NOL8: variants seen among roughly 807,000 people sequenced by gnomAD.
NOL8 encodes the protein nucleolar protein 8.
In NOL8, 93 loss-of-function variants were observed where a neutral mutation model predicts 116.1. The ratio of observed to expected loss-of-function variants is 0.80; its 90% CI spans 0.68 to 0.95. The LOEUF (loss-of-function observed/expected upper bound fraction) is 0.95. Among genes scored for constraint, NOL8 ranks in the 40% least tolerant of loss-of-function variants. NOL8 has a pLI of 0.00. For synonymous variants in NOL8, 419 were observed against 469.0 expected, an observed-to-expected ratio of 0.89 and a Z score of 1.38; for missense variants, 1,291 against 1,382.8, an observed-to-expected ratio of 0.93 and a Z score of 1.05.
At chr9:92,300,248 C>T in intron 13 of NOL8, 1 of 1,095,526 alleles carries the variant, frequency 9.1e-7, no homozygotes, top group Non-Finnish European at 1.1e-6. Flanking sequence ...CTGATAAGGA[C>T]AGCAGTAATA....
rs369661809 is a variant in NOL8 at position 92,303,402 on chromosome 9, T to G, written c.2904-1580A>C. On this transcript the variant is annotated intron_variant, in intron 12 of 16. Coordinates refer to ENST00000442668, the MANE Select transcript of NOL8 (RefSeq NM_017948.6). ...AACAAACATCATTTCATGAAAAAAT[T>G]ATATGAAATGAAAATTTCAGTGTCC... is the stretch of plus-strand genomic sequence containing the variant. Among the ~76,000 whole-genome samples the G allele has an allele frequency of 1.3e-3, 193 of 152,308 alleles. 2 individuals carry two copies. The highest frequency in any genetic ancestry group is 4.5e-3 in the African/African-American group (185 of 41,572).
At chr9:92,310,769 AC>A in intron 8 of NOL8, 94 bp from the exon 9 acceptor site, 1 of 1,336,958 alleles carries the variant, frequency 7.5e-7, no homozygotes, top group Non-Finnish European at 1.0e-6. Context: ...AAAGCCAGTA[AC>A]CCAGACTCAT....
chr9:92,320,078 C>T (rs994013346), intron 4 of NOL8: 4 of 455,984 alleles, frequency 8.8e-6, no homozygotes, highest in Admixed American at 7.0e-5. Context: ...ATTCACTCTT[C>T]CCCATGACGA....
Position 92,311,116 on chromosome 9 carries a change from A to G in NOL8, c.2472+30T>C, listed in dbSNP as rs747133059. 8 of 1,512,048 alleles carry G rather than the reference A, an allele frequency of 5.3e-6. No homozygotes were observed. The South Asian group carries it at 8.0e-5, about 15-fold the overall frequency. The allele number at this position is 1,512,048 out of a possible 1,614,324, so 93.7% of individuals were successfully genotyped here. A position where few individuals can be genotyped will look rare whatever the true frequency, so the allele number is the denominator to read the frequency against. ...GGTGTGGATCTGCAGAAGTAGATGA[A>G]TGTCCACAGAGACATCCTGAACTTC... is the stretch of plus-strand genomic sequence containing the variant. On this transcript the variant is annotated intron_variant, in intron 8 of 16. Transcript: ENST00000442668.
Position 92,323,284 on chromosome 9 carries a change from C to G in NOL8, c.202+157G>C, listed in dbSNP as rs568114089. ...TGATGCCAAATGGAATGGACCTAAACCTGCTGAGTTATACGATACTGGAAT... is the reference window on the plus strand; with the variant it reads ...TGATGCCAAATGGAATGGACCTAAAGCTGCTGAGTTATACGATACTGGAAT... On this transcript the variant is annotated intron_variant, in intron 3 of 16. Coordinates refer to ENST00000442668, the MANE Select transcript of NOL8 (RefSeq NM_017948.6). 3.9e-6 allele frequency: 6 copies of G among 1,530,420 alleles called. No individual in the cohort carries two copies. The African/African-American group carries it at 8.2e-5, about 21-fold the overall frequency. 94.8% of individuals were successfully genotyped at this position (1,530,420 alleles called of 1,614,324 possible). A position where few individuals can be genotyped will look rare whatever the true frequency, so the allele number is the denominator to read the frequency against.
intron 15 of NOL8, 65 bp from the exon 16 acceptor site, chr9:92,298,401 T>C: frequency 9.9e-7 from 1 of 1,009,600 alleles, no homozygotes; most frequent in Non-Finnish European, 1.5e-6. Context: ...ATATTCTAAG[T>C]GTTGGCATTA....
Position 92,316,016 on chromosome 9 carries a change from A to C in NOL8, c.609T>G (p.Ser203Arg). Residue 203 changes from serine to arginine, a missense_variant, in exon 7 of 17, where the codon AGT becomes AGG. Coordinates refer to ENST00000442668, the MANE Select transcript of NOL8 (RefSeq NM_017948.6). Reference protein sequence around the residue: ...WELEGGNDPMSKKRRGEFSDF... With the variant: ...WELEGGNDPMRKKRRGEFSDF... ...CAGAGAACTCTCCTCGCCGTTTCTT[A>C]CTCATAGGGTCATTCCCTCCTTCTA... The C allele has an allele frequency of 6.2e-7, 1 of 1,613,872 alleles. No individual in the cohort carries two copies. Among genetic ancestry groups the C allele is most frequent in the South Asian group, 1.1e-5 (1 of 91,072 alleles).
In NOL8 at chr9:92,315,550, G is replaced by A. The variant is rs749823093; in HGVS notation, c.1075C>T (p.Arg359Cys). 24 of 1,611,804 alleles carry A rather than the reference G, an allele frequency of 1.5e-5. 1 individual carries two copies. The highest frequency in any genetic ancestry group is 1.3e-5 in the African/African-American group (1 of 74,868). Residue 359 changes from arginine (R) to cysteine (C), a missense_variant, in exon 7 of 17, where the codon CGT (arginine) becomes TGT (cysteine). By Grantham distance (180) the Arg-to-Cys change is radical. Coordinates refer to ENST00000442668, the MANE Select transcript of NOL8 (RefSeq NM_017948.6). ...HSLIGLGIKN[R>C]VSCHDSDDDI... ...TCATCACTATCATGGCAAGAGACAC[G>A]ATTTTTGATACCTAAACCTATTAAA...
At chr9:92,318,033 C>CAAAAA (rs745928872) in intron 6 of NOL8, among the ~76,000 whole-genome samples, 479 of 34,566 alleles carry the variant, frequency 0.014, 24 homozygotes, top group African/African-American at 0.053. Context: ...GACTCCATCT[C>CAAAAA]AAAAAAAAAA....
chr9:92,315,926 C>T lies in NOL8; in HGVS notation c.699G>A (p.Leu233=). 6.2e-7 allele frequency: 1 copy of T among 1,613,860 alleles called. No homozygotes were observed. Among genetic ancestry groups the T allele is most frequent in the Non-Finnish European group, 8.5e-7 (1 of 1,179,878 alleles). Residue 233 remains leucine, a synonymous_variant, in exon 7 of 17, where the codon CTG becomes CTA. Coordinates refer to ENST00000442668, the MANE Select transcript of NOL8 (RefSeq NM_017948.6). ...VQKDESSTGS[L]AMSTRPRRVI... Reference sequence around the variant, plus strand: ...CCCTCCTGGGCCTTGTACTCATGGCCAGAGACCCAGTGGAACTCTCATCCT... The same window carrying T: ...CCCTCCTGGGCCTTGTACTCATGGCTAGAGACCCAGTGGAACTCTCATCCT...
At position 92,315,651 on chromosome 9, in the gene NOL8, G is replaced by T. The variant is rs779394126; in HGVS notation, c.974C>A (p.Ser325Ter). 16 of 1,612,868 alleles carry T rather than the reference G, an allele frequency of 9.9e-6. No homozygotes were observed. The highest frequency in any genetic ancestry group is 1.1e-5 in the Non-Finnish European group (13 of 1,179,438). The change falls in exon 7 of 17, where the codon TCA (serine) becomes TAA (stop). Residue 325 changes from serine (S) to a stop codon, truncating the protein, a stop_gained. Transcript: ENST00000442668. LOFTEE classifies it high-confidence loss of function. Reference sequence around the variant, plus strand: ...AGGATCACTTTCAGATTCATTTATTGAGGGTTGTGTAGTTCTCTGTAAGTT... The same window carrying T: ...AGGATCACTTTCAGATTCATTTATTTAGGGTTGTGTAGTTCTCTGTAAGTT... ...EENLQRTTQP[S>*]INESESDPFE...
At position 92,310,245 on chromosome 9, in the gene NOL8, G is replaced by A. The variant is rs753203498; in HGVS notation, c.2612C>T (p.Ser871Leu). Reference protein sequence around the residue: ...RAGQKLMDLQSHFGTDDRFRM... With the variant: ...RAGQKLMDLQLHFGTDDRFRM... ...GAATCTGTCATCGGTGCCAAAGTGC[G>A]ACTGTAAATCCATGAGCTACACAGA... Residue 871 changes from serine to leucine, a missense_variant, in exon 10 of 17, where the codon TCG becomes TTG. Physicochemically the swap from Ser to Leu is moderately radical, Grantham distance 145. Transcript: ENST00000442668. The A allele has an allele frequency of 3.7e-6, 6 of 1,608,210 alleles. No individual in the cohort carries two copies. Among genetic ancestry groups the A allele is most frequent in the South Asian group, 2.2e-5 (2 of 89,654 alleles).
intron 3 of NOL8, 62 bp downstream of exon 3, chr9:92,323,379 T>C: frequency 6.5e-7 from 1 of 1,543,270 alleles, no homozygotes; most frequent in South Asian, 1.2e-5. Flanking sequence ...TAGAACCAGT[T>C]ATTCCAAGTT....
chr9:92,305,214 G>A (rs963848767), intron 12 of NOL8, among the ~76,000 whole-genome samples: 2 of 152,102 alleles, frequency 1.3e-5, no homozygotes, highest in African/African-American at 4.8e-5. Flanking sequence ...CCTTATAAGA[G>A]GCACAAAGAG....
chr9:92,317,335 A>C (rs140879799), intron 6 of NOL8, among the ~76,000 whole-genome samples: 64 of 152,318 alleles, frequency 4.2e-4, no homozygotes, highest in Middle Eastern at 3.4e-3. Context: ...GTGTGCCAAA[A>C]AGTGTCTATT....
chr9:92,312,095 C>G (rs1838846667), intron 7 of NOL8, among the ~76,000 whole-genome samples: 1 of 152,116 alleles, frequency 6.6e-6, no homozygotes, highest in Non-Finnish European at 1.5e-5. Context: ...CAAATTAATA[C>G]AGGAACAGAA....
At chr9:92,321,780 A>T in intron 3 of NOL8, 34 bp from the exon 4 acceptor site, 1 of 1,021,668 alleles carries the variant, frequency 9.8e-7, no homozygotes, top group East Asian at 2.8e-5. Context: ...AGTACATGGC[A>T]ATGTAAAAAT....
In NOL8 at chr9:92,298,907, G is replaced by C. The variant is rs1373270975; in HGVS notation, c.3350C>G (p.Ser1117Cys). The change falls in exon 15 of 17, where the codon TCT becomes TGT. Residue 1117 changes from serine to cysteine, a missense_variant. Physicochemically the swap from Ser to Cys is moderately radical, Grantham distance 112. Coordinates refer to ENST00000442668, the MANE Select transcript of NOL8 (RefSeq NM_017948.6). Reference protein sequence around the residue: ...EKETTRFFFFSKNDERLQGSD... With the variant: ...EKETTRFFFFCKNDERLQGSD... ...ACCTTGAAGTCGTTCATCATTCTTA[G>C]AGAAAAAGAAAAATCTAGTGGTCTC... The C allele has an allele frequency of 2.0e-6, 3 of 1,537,440 alleles. No individual in the cohort carries two copies. Among genetic ancestry groups the C allele is most frequent in the Admixed American group, 4.0e-5 (2 of 49,802 alleles).
At chr9:92,322,719 T>C (rs1344237294) in intron 3 of NOL8, 1 of 152,182 alleles carries the variant, frequency 6.6e-6, no homozygotes, top group African/African-American at 2.4e-5. Flanking sequence ...GGCTGAGAAG[T>C]TTAAGTAACT....
Sources: allele counts gnomAD v4.1 joint callset (sites outside exome capture counted in the v4.1 genomes callset), GRCh38; gene constraint gnomAD v4.1.1; transcripts MANE v1.5; gene names NCBI Gene and HGNC (gene_info 2026-07-23, HGNC 2026-07-21).